The following RBFOX1 variants were observed in gnomAD, a reference collection of about 807,000 sequenced individuals.
RBFOX1 encodes RNA binding fox-1 homolog 1, also known as RNA binding protein fox-1 homolog 1.
In RBFOX1, 8 loss-of-function variants were observed where a neutral mutation model predicts 57.7. The observed-to-expected ratio is 0.14, with a 90% CI of 0.08 to 0.25. RBFOX1 has a LOEUF of 0.25. Ranked by LOEUF, RBFOX1 falls within the 10% of genes least tolerant of loss-of-function variation. The probability of loss-of-function intolerance (pLI) is 1.00; values close to 1 mark genes in which losing one functional copy is unlikely to be tolerated. For missense variants in RBFOX1, 611 were observed against 548.5 expected, an observed-to-expected ratio of 1.11 and a Z score of -1.14; for synonymous variants, 326 against 222.4, an observed-to-expected ratio of 1.47 and a Z score of -4.15.
intron 3 of RBFOX1, among the ~76,000 whole-genome samples, chr16:6,779,070 A>G (rs1305836674): frequency 2.0e-5 from 3 of 152,160 alleles, no homozygotes; most frequent in Admixed American, 6.5e-5. Context: ...ATTGTTAACT[A>G]TAGTTGTCCT....
chr16:6,364,965 G>A (rs984276324), intron 2 of RBFOX1, among the ~76,000 whole-genome samples: 3 of 152,044 alleles, frequency 2.0e-5, no homozygotes, highest in Non-Finnish European at 4.4e-5. Flanking sequence ...ACTGTGATAA[G>A]AAATATCAAT....
At chr16:7,605,586 G>A (rs969595554) in intron 9 of RBFOX1, among the ~76,000 whole-genome samples, 2 of 152,186 alleles carry the variant, frequency 1.3e-5, no homozygotes, top group Admixed American at 6.5e-5. Context: ...TGTCTGTTGA[G>A]TTAGTGAGCC....
chr16:6,313,608 G>A (rs997134268), intron 1 of RBFOX1, among the ~76,000 whole-genome samples: 12 of 152,166 alleles, frequency 7.9e-5, no homozygotes, highest in African/African-American at 1.7e-4. Context: ...GTGCATAGGT[G>A]AAGGTAGCTA....
chr16:7,503,449 T>G (rs994169289), intron 4 of RBFOX1, among the ~76,000 whole-genome samples: 1 of 152,222 alleles, frequency 6.6e-6, no homozygotes, highest in East Asian at 1.9e-4. Context: ...TCTCAAATTA[T>G]ATCTGTAGGG....
chr16:6,466,708 C>A (rs756514370), intron 2 of RBFOX1, among the ~76,000 whole-genome samples: 1 of 152,096 alleles, frequency 6.6e-6, no homozygotes, highest in Non-Finnish European at 1.5e-5. Context: ...AATCATGTTT[C>A]TAAGGTATTT....
intron 10 of RBFOX1, 146 bp from the exon 11 acceptor site, chr16:7,630,457 G>A: frequency 6.7e-7 from 1 of 1,501,334 alleles, no homozygotes; most frequent in Non-Finnish European, 8.8e-7. Context: ...GGCTAAGGCA[G>A]GGGGCTTTGT....
intron 3 of RBFOX1, among the ~76,000 whole-genome samples, chr16:6,836,067 A>T (rs963755071): frequency 6.6e-6 from 1 of 152,240 alleles, no homozygotes; most frequent in East Asian, 1.9e-4. Context: ...TAGCTAGCTC[A>T]GCTCTGCTAC....
In RBFOX1 at chr16:6,753,988, T is replaced by C. The variant is rs530252521; in HGVS notation, c.-16+99338T>C. Reference sequence around the variant, plus strand: ...TGGAGCTGACTGTTGACTTGGATGCTTTTTACTGGGTTGTCTTCTGGTACC... The same window carrying C: ...TGGAGCTGACTGTTGACTTGGATGCCTTTTACTGGGTTGTCTTCTGGTACC... On this transcript the variant is annotated intron_variant, in intron 3 of 15. Coordinates refer to ENST00000550418, the MANE Select transcript of RBFOX1 (RefSeq NM_018723.4). Among the ~76,000 whole-genome samples, 3 of 152,270 alleles carry C rather than the reference T, an allele frequency of 2.0e-5. No homozygotes were observed. The East Asian group carries it at 5.8e-4, about 29-fold the overall frequency.
chr16:6,598,624 T>A (rs2097803448), intron 2 of RBFOX1, among the ~76,000 whole-genome samples: 1 of 150,880 alleles, frequency 6.6e-6, no homozygotes, highest in African/African-American at 2.4e-5. Flanking sequence ...TAAACAGTAT[T>A]ATGTGACCAT....
At chr16:6,922,918 C>G (rs979135896) in intron 3 of RBFOX1, among the ~76,000 whole-genome samples, 1 of 152,092 alleles carries the variant, frequency 6.6e-6, no homozygotes, top group Non-Finnish European at 1.5e-5. Context: ...TCTGTATTTC[C>G]TTTTGGCCAT....
intron 3 of RBFOX1, among the ~76,000 whole-genome samples, chr16:6,836,119 T>C (rs1441373046): frequency 6.6e-6 from 1 of 152,174 alleles, no homozygotes; most frequent in South Asian, 2.1e-4. Context: ...ATGCATTCCT[T>C]TTCTACAATT....
At chr16:6,575,000 T>G (rs1484279127) in intron 2 of RBFOX1, among the ~76,000 whole-genome samples, 3 of 148,132 alleles carry the variant, frequency 2.0e-5, no homozygotes, top group Non-Finnish European at 4.4e-5. Flanking sequence ...ATGGCACCAC[T>G]GCACTCCAGC....
At chr16:5,715,331 T>A (rs1369206682) in intron 3 of RBFOX1, among the ~76,000 whole-genome samples, 1 of 152,212 alleles carries the variant, frequency 6.6e-6, no homozygotes, top group Non-Finnish European at 1.5e-5. Context: ...AGATTACTAA[T>A]ATGTTCCCTG....
At chr16:7,679,630 C>G (rs891880979) in intron 14 of RBFOX1, among the ~76,000 whole-genome samples, 4 of 152,098 alleles carry the variant, frequency 2.6e-5, no homozygotes, top group East Asian at 3.9e-4. Flanking sequence ...AAATTAAGCC[C>G]TCATCAAATG....
At chr16:7,104,511 C>T (rs2063235239) in intron 4 of RBFOX1, among the ~76,000 whole-genome samples, 1 of 152,106 alleles carries the variant, frequency 6.6e-6, no homozygotes, top group African/African-American at 2.4e-5. Context: ...AAGATCCTGA[C>T]TTTAAAAGCA....
chr16:6,109,499 T>A (rs1321838553), intron 1 of RBFOX1, among the ~76,000 whole-genome samples: 3 of 152,182 alleles, frequency 2.0e-5, no homozygotes, highest in Admixed American at 1.3e-4. Flanking sequence ...AGTTAGTCGA[T>A]GATATATTTG....
chr16:6,907,326 C>T (rs2070282231), intron 3 of RBFOX1, among the ~76,000 whole-genome samples: 1 of 152,162 alleles, frequency 6.6e-6, no homozygotes, highest in Non-Finnish European at 1.5e-5. Flanking sequence ...GTGCCCAGAG[C>T]TTCACTCAGA....
intron 3 of RBFOX1, among the ~76,000 whole-genome samples, chr16:6,893,389 T>C (rs932890767): frequency 6.6e-6 from 1 of 152,184 alleles, no homozygotes; most frequent in Non-Finnish European, 1.5e-5. Context: ...AAGAAGGCTT[T>C]CTTTATCCCT....
intron 1 of RBFOX1, among the ~76,000 whole-genome samples, chr16:6,294,239 A>G (rs2077814839): frequency 1.3e-5 from 2 of 152,174 alleles, no homozygotes; most frequent in Non-Finnish European, 2.9e-5. Context: ...GGAAATGTCT[A>G]AAGGCAATAG....
Sources: gnomAD v4.1 joint callset for allele counts (sites outside exome capture counted in the v4.1 genomes callset) on GRCh38, gnomAD v4.1.1 for gene constraint, MANE v1.5 for transcripts, NCBI Gene and HGNC (gene_info 2026-07-23, HGNC 2026-07-21) for gene names.